ATG7: variants seen among roughly 807,000 people sequenced by gnomAD.
The protein encoded by ATG7 is ubiquitin-like modifier-activating enzyme ATG7.
In ATG7, 70 loss-of-function variants were observed where a neutral mutation model predicts 82.4. That is an observed-to-expected ratio of 0.85 (90% CI 0.70 to 1.04). The LOEUF is 1.04. ATG7 is among the 50% of genes least tolerant of loss of function. ATG7 has a pLI of 0.00. For synonymous variants in ATG7, 287 were observed against 313.0 expected (o/e 0.92, Z 0.88); for missense variants, 792 against 864.3 (o/e 0.92, Z 1.05).
chr3:11,570,182 C>G, the ATG7 span, among the ~76,000 whole-genome samples: 4 of 152,094 alleles, frequency 2.6e-5, no homozygotes, highest in East Asian at 5.8e-4. Context: ...ACATGCTGCC[C>G]ACCACAGACA....
At chr3:11,487,132 A>G (rs1468246672) in intron 20 of ATG7, among the ~76,000 whole-genome samples, 2 of 147,242 alleles carry the variant, frequency 1.4e-5, no homozygotes, top group East Asian at 4.0e-4. Flanking sequence ...CACATGTTTC[A>G]GAGAGCACAG....
At chr3:11,415,055 A>G (rs944337063) in intron 19 of ATG7, among the ~76,000 whole-genome samples, 2 of 152,376 alleles carry the variant, frequency 1.3e-5, no homozygotes. Flanking sequence ...CCTACTGCAC[A>G]CCTAGGCTAT....
chr3:11,480,121 C>T (rs1424540618), intron 20 of ATG7, among the ~76,000 whole-genome samples: 1 of 151,912 alleles, frequency 6.6e-6, no homozygotes, highest in African/African-American at 2.4e-5. Flanking sequence ...TTAGTAGAGA[C>T]GGGGTTTCAC....
chr3:11,371,773 C>CT (rs1203827653), intron 18 of ATG7, among the ~76,000 whole-genome samples: 1 of 151,246 alleles, frequency 6.6e-6, no homozygotes, highest in Non-Finnish European at 1.5e-5. Context: ...ACACCAAATC[C>CT]TGCTTTTTGA....
chr3:11,377,556 CA>C (rs1267853859), intron 18 of ATG7, among the ~76,000 whole-genome samples: 6 of 152,066 alleles, frequency 3.9e-5, no homozygotes, highest in African/African-American at 1.4e-4. Context: ...AAGACAGTAT[CA>C]GAGAAAATTA....
At chr3:11,427,689 C>T (rs934497988) in intron 20 of ATG7, among the ~76,000 whole-genome samples, 2 of 151,812 alleles carry the variant, frequency 1.3e-5, no homozygotes, top group South Asian at 2.1e-4. Context: ...GTGGCAGGCA[C>T]GTGTAATCCC....
intron 20 of ATG7, among the ~76,000 whole-genome samples, chr3:11,469,841 G>T (rs1232969641): frequency 1.3e-5 from 2 of 151,540 alleles, no homozygotes; most frequent in Admixed American, 1.3e-4. Context: ...ACCAAAAAAA[G>T]TAGCCAGGCA....
At chr3:11,553,403 AGAAT>A (rs66962935) in intron 20 of ATG7, among the ~76,000 whole-genome samples, 22,856 of 152,216 alleles carry the variant, frequency 0.15, 2,156 homozygotes, top group Admixed American at 0.28. Flanking sequence ...GGAGAGTGAA[AGAAT>A]GGATGGATTG....
At position 11,340,726 on chromosome 3, in the gene ATG7, AC is replaced by A; in HGVS notation, c.974del (p.Pro325LeufsTer4). On this transcript the variant is annotated frameshift_variant, in exon 12 of 21. Coordinates refer to ENST00000693202, the MANE Select transcript of ATG7 (RefSeq NM_001349232.2). LOFTEE classifies it high-confidence loss of function. The part of the protein sequence containing the change: ...PRMVNLSECM[D>X]PKRLAESSVD... ...ATGGTGAACCTCAGTGAATGTATGG[AC>A]CCTAAAAGGTATATTTGGGAAGCTG... is the stretch of plus-strand genomic sequence containing the variant. 1 of 1,613,302 alleles carries A rather than the reference AC, an allele frequency of 6.2e-7. No homozygotes were observed. The highest frequency in any genetic ancestry group is 1.7e-5 in the Admixed American group (1 of 59,968).
chr3:11,456,706 C>A (rs2085755898), intron 20 of ATG7, among the ~76,000 whole-genome samples: 2 of 152,210 alleles, frequency 1.3e-5, no homozygotes, highest in Non-Finnish European at 2.9e-5. Context: ...ACAAAAGCCA[C>A]AATTACTGTT....
chr3:11,527,470 C>G (rs568618905), intron 20 of ATG7, among the ~76,000 whole-genome samples: 1 of 152,248 alleles, frequency 6.6e-6, no homozygotes, highest in South Asian at 2.1e-4. Flanking sequence ...CCCTGGGTAA[C>G]TATTTAATAC....
chr3:11,414,563 C>T (rs142970124), intron 19 of ATG7, among the ~76,000 whole-genome samples: 78 of 152,282 alleles, frequency 5.1e-4, no homozygotes, highest in Non-Finnish European at 9.8e-4. Context: ...ATTTCATTAG[C>T]TAGGCCTTCT....
chr3:11,553,788 CT>C (rs934086377), intron 20 of ATG7, among the ~76,000 whole-genome samples: 3 of 152,140 alleles, frequency 2.0e-5, no homozygotes, highest in African/African-American at 7.2e-5. Flanking sequence ...AGGAAATTTC[CT>C]TCTATTTATT....
intron 20 of ATG7, among the ~76,000 whole-genome samples, chr3:11,469,772 A>C (rs2087240827): frequency 6.6e-6 from 1 of 151,792 alleles, no homozygotes; most frequent in Admixed American, 6.6e-5. Flanking sequence ...AGATCATTTG[A>C]GTTCAGGAGT....
At chr3:11,322,193 A>G (rs1012763373) in intron 9 of ATG7, among the ~76,000 whole-genome samples, 8 of 151,788 alleles carry the variant, frequency 5.3e-5, no homozygotes, top group African/African-American at 9.7e-5. Flanking sequence ...AACCCAATAC[A>G]TGTCTTTGAA....
intron 18 of ATG7, among the ~76,000 whole-genome samples, chr3:11,377,410 C>T (rs1270430702): frequency 1.3e-5 from 2 of 152,102 alleles, no homozygotes; most frequent in African/African-American, 4.8e-5. Context: ...CCGTGCACGG[C>T]ATCTTCTTTT....
intron 19 of ATG7, among the ~76,000 whole-genome samples, chr3:11,415,010 G>A (rs920790447): frequency 6.6e-6 from 1 of 152,190 alleles, no homozygotes; most frequent in Non-Finnish European, 1.5e-5. Context: ...TATGAATATC[G>A]TAAAGTGTCC....
chr3:11,309,387 A>G (rs1209943302), intron 7 of ATG7, among the ~76,000 whole-genome samples: 1 of 152,100 alleles, frequency 6.6e-6, no homozygotes, highest in Non-Finnish European at 1.5e-5. Context: ...ATCTAAATAA[A>G]GGAAAGGTGC....
chr3:11,575,834 A>G, the ATG7 span, among the ~76,000 whole-genome samples: 139,244 of 152,220 alleles, frequency 0.91, 63,869 homozygotes, highest in African/African-American at 0.98. Flanking sequence ...CCCATATCCA[A>G]TTCCAGCATT....
Sources: allele counts gnomAD v4.1 joint callset (sites outside exome capture counted in the v4.1 genomes callset), GRCh38; gene constraint gnomAD v4.1.1; transcripts MANE v1.5; gene names NCBI Gene and HGNC (gene_info 2026-07-23, HGNC 2026-07-21).